IFTAP: variants seen among roughly 807,000 people sequenced by gnomAD.
IFTAP encodes intraflagellar transport associated protein.
A neutral mutation model predicts 19.4 loss-of-function variants in IFTAP; 19 were observed. That is an observed-to-expected ratio of 0.98 (90% CI 0.68 to 1.44). The LOEUF is 1.44. Among genes scored for constraint, IFTAP ranks in the 40% most tolerant of loss-of-function variants. The probability of loss-of-function intolerance (pLI) is 0.00; values close to 1 mark genes in which losing one functional copy is unlikely to be tolerated. For synonymous variants in IFTAP, 85 were observed against 83.5 expected (o/e 1.02, Z -0.10); for missense variants, 240 against 253.6 (o/e 0.95, Z 0.36).
At chr11:36,637,659 C>G (rs1853008394) in intron 4 of IFTAP, among the ~76,000 whole-genome samples, 3 of 152,012 alleles carry the variant, frequency 2.0e-5, no homozygotes, top group African/African-American at 7.2e-5. Context: ...ACCGACACCC[C>G]CAATGATTCT....
Position 36,649,721 on chromosome 11 carries a change from C to T in IFTAP, c.498+1566C>T, listed in dbSNP as rs140194158. Among the ~76,000 whole-genome samples, 670 of 152,196 alleles carry T rather than the reference C, an allele frequency of 4.4e-3. 6 individuals are homozygous for T. The highest frequency in any genetic ancestry group is 0.015 in the African/African-American group (631 of 41,538). On this transcript the variant is annotated intron_variant, in intron 5 of 5. Transcript: ENST00000334307. ...AGAGGAATATAAATTTCCTACCAGACATGTGGACATTTTAAAATGTTGGAA... is the reference window on the plus strand; with the variant it reads ...AGAGGAATATAAATTTCCTACCAGATATGTGGACATTTTAAAATGTTGGAA...
At chr11:36,627,774 C>G (rs763414622) in intron 2 of IFTAP, among the ~76,000 whole-genome samples, 1 of 150,850 alleles carries the variant, frequency 6.6e-6, no homozygotes, top group African/African-American at 2.5e-5. Context: ...CCTCTTGGCA[C>G]CAAACTGTTT....
In IFTAP at chr11:36,596,596, C is replaced by G. The variant is rs1479435488; in HGVS notation, c.-24+2004C>G. Among the ~76,000 whole-genome samples, 12 of 152,148 alleles carry G rather than the reference C, an allele frequency of 7.9e-5. 1 individual carries two copies. Reference sequence around the variant, plus strand: ...CATTATTGACCCTCACTTCAGAAAACTGTAGGTGATTACACTCAGCCTGAG... The same window carrying G: ...CATTATTGACCCTCACTTCAGAAAAGTGTAGGTGATTACACTCAGCCTGAG... On this transcript the variant is annotated intron_variant, in intron 1 of 5. Coordinates refer to ENST00000334307, the MANE Select transcript of IFTAP (RefSeq NM_138787.4).
At chr11:36,651,022 G>T (rs1245329363) in intron 5 of IFTAP, among the ~76,000 whole-genome samples, 1 of 152,164 alleles carries the variant, frequency 6.6e-6, no homozygotes. Flanking sequence ...ACATACGTGT[G>T]CATGTGTCTT....
At chr11:36,599,663 T>G (rs1851428824) in intron 1 of IFTAP, among the ~76,000 whole-genome samples, 2 of 152,194 alleles carry the variant, frequency 1.3e-5, no homozygotes, top group African/African-American at 4.8e-5. Flanking sequence ...AACAGATGTA[T>G]GTAGCTCAGT....
intron 1 of IFTAP, among the ~76,000 whole-genome samples, chr11:36,598,772 G>A (rs769231829): frequency 1.3e-5 from 2 of 152,108 alleles, no homozygotes; most frequent in Admixed American, 6.6e-5. Flanking sequence ...TATTTTTCAG[G>A]TAGTAGAGTC....
intron 4 of IFTAP, among the ~76,000 whole-genome samples, chr11:36,642,513 C>T (rs1232025036): frequency 6.6e-6 from 1 of 152,214 alleles, no homozygotes; most frequent in Admixed American, 6.5e-5. Flanking sequence ...TTTATGAGAC[C>T]AGCATGATCC....
intron 2 of IFTAP, among the ~76,000 whole-genome samples, chr11:36,626,541 T>G (rs1180264876): frequency 6.6e-6 from 1 of 151,266 alleles, no homozygotes; most frequent in Non-Finnish European, 1.5e-5. Flanking sequence ...TCTTTTAGAG[T>G]GGAGAATGAA....
In IFTAP at chr11:36,631,509, T is replaced by A. The variant is rs560508572; in HGVS notation, c.137-1775T>A. Among the ~76,000 whole-genome samples the A allele has an allele frequency of 4.0e-5, 6 of 151,396 alleles. No homozygotes were observed. The East Asian group carries it at 1.2e-3, about 29-fold the overall frequency. On this transcript the variant is annotated intron_variant, in intron 2 of 5. Transcript: ENST00000334307. Reference sequence around the variant, plus strand: ...GGTATTCAGAAGCAAACAAATGATGTTAACTGGATTTGTACCAGGCTGTGA... The same window carrying A: ...GGTATTCAGAAGCAAACAAATGATGATAACTGGATTTGTACCAGGCTGTGA...
chr11:36,629,024 G>T (rs555425085), intron 2 of IFTAP, among the ~76,000 whole-genome samples: 8 of 151,336 alleles, frequency 5.3e-5, no homozygotes, highest in African/African-American at 2.0e-4. Flanking sequence ...GCCGAATTTA[G>T]CTTCTTTGGA....
intron 4 of IFTAP, among the ~76,000 whole-genome samples, chr11:36,642,310 G>T (rs1489687700): frequency 6.6e-6 from 1 of 152,082 alleles, no homozygotes; most frequent in African/African-American, 2.4e-5. Context: ...AAACCAGGAA[G>T]AAGTCGAATC....
intron 2 of IFTAP, among the ~76,000 whole-genome samples, chr11:36,621,970 C>G (rs1479299599): frequency 6.6e-6 from 1 of 151,678 alleles, no homozygotes; most frequent in Non-Finnish European, 1.5e-5. Flanking sequence ...GTTTTGGGGT[C>G]TCAGTTTTAG....
intron 4 of IFTAP, among the ~76,000 whole-genome samples, chr11:36,646,945 T>C (rs1480908309): frequency 6.6e-6 from 1 of 152,174 alleles, no homozygotes; most frequent in Non-Finnish European, 1.5e-5. Context: ...CAATTCTGTT[T>C]CCAGGCTGTC....
chr11:36,621,526 T>G (rs1260734238), intron 2 of IFTAP, among the ~76,000 whole-genome samples: 1 of 151,970 alleles, frequency 6.6e-6, no homozygotes, highest in Non-Finnish European at 1.5e-5. Flanking sequence ...TTTTCATGTG[T>G]TTTCCAGACT....
At chr11:36,614,885 T>G (rs548617755) in intron 2 of IFTAP, among the ~76,000 whole-genome samples, 1 of 147,648 alleles carries the variant, frequency 6.8e-6, no homozygotes, top group Non-Finnish European at 1.5e-5. Flanking sequence ...TTCACTCTGA[T>G]GGTAGTTTCT....
intron 2 of IFTAP, among the ~76,000 whole-genome samples, chr11:36,629,918 C>T (rs1422531804): frequency 6.6e-6 from 1 of 151,402 alleles, no homozygotes; most frequent in Non-Finnish European, 1.5e-5. Context: ...AACGCTTTTT[C>T]AGGTCTCAAT....
At chr11:36,613,842 C>A (rs949544809) in intron 2 of IFTAP, among the ~76,000 whole-genome samples, 4 of 151,870 alleles carry the variant, frequency 2.6e-5, no homozygotes, top group African/African-American at 4.8e-5. Context: ...TTAAACACTA[C>A]GTCTTCAAGA....
In IFTAP at chr11:36,612,358, GCA is replaced by G. The variant is rs556192264; in HGVS notation, c.136+2122_136+2123del. Among the ~76,000 whole-genome samples, 48 of 151,492 alleles carry G rather than the reference GCA, an allele frequency of 3.2e-4. No homozygotes were observed. The East Asian group carries it at 9.1e-3, about 29-fold the overall frequency. On this transcript the variant is annotated intron_variant, in intron 2 of 5. Transcript: ENST00000334307. The stretch of plus-strand genomic sequence containing the variant: ...ATGACCTGAAAAAATTCCTCTTAAA[GCA>G]CAGAGTTATGAGTGTAAAAATGTGT...
chr11:36,629,175 A>G (rs1034496744), intron 2 of IFTAP, among the ~76,000 whole-genome samples: 2 of 151,384 alleles, frequency 1.3e-5, no homozygotes, highest in African/African-American at 4.9e-5. Context: ...AATCAAGAGC[A>G]AATATTATTG....
Sources: gnomAD v4.1 joint callset for allele counts (sites outside exome capture counted in the v4.1 genomes callset) on GRCh38, gnomAD v4.1.1 for gene constraint, MANE v1.5 for transcripts, NCBI Gene and HGNC (gene_info 2026-07-23, HGNC 2026-07-21) for gene names.